The following POLR3B variants were observed in gnomAD, a reference collection of about 807,000 sequenced individuals.
The protein encoded by POLR3B is DNA-directed RNA polymerase III subunit RPC2.
POLR3B carries 96 observed loss-of-function variants against 147.4 expected under a neutral mutation model. The observed-to-expected ratio is 0.65, with a 90% confidence interval of 0.55 to 0.77. The LOEUF is 0.77. Among genes scored for constraint, POLR3B ranks in the 30% least tolerant of loss-of-function variants. The probability of loss-of-function intolerance (pLI) is 0.00; values close to 1 mark genes in which losing one functional copy is unlikely to be tolerated. For missense variants in POLR3B, 1,036 were observed against 1,413.5 expected (o/e 0.73, Z 4.28); for synonymous variants, 461 against 485.9 (o/e 0.95, Z 0.67).
At chr12:106,435,563 A>G (rs1196798096) in intron 16 of POLR3B, among the ~76,000 whole-genome samples, 1 of 152,062 alleles carries the variant, frequency 6.6e-6, no homozygotes, top group Non-Finnish European at 1.5e-5. Flanking sequence ...TTGAATCCTA[A>G]CTTCCCACTT....
At chr12:106,422,941 ATTTTC>A (rs1026690201) in intron 12 of POLR3B, among the ~76,000 whole-genome samples, 8 of 151,940 alleles carry the variant, frequency 5.3e-5, no homozygotes, top group Admixed American at 2.6e-4. Context: ...ATCCATGAAT[ATTTTC>A]TTTTCATTTA....
At chr12:106,457,551 T>C (rs149363791) in intron 21 of POLR3B, among the ~76,000 whole-genome samples, 9 of 152,208 alleles carry the variant, frequency 5.9e-5, no homozygotes, top group Admixed American at 1.3e-4. Context: ...AAAGCCACTT[T>C]AAGGAAATAT....
At chr12:106,402,517 C>A (rs1413246417) in intron 10 of POLR3B, among the ~76,000 whole-genome samples, 1 of 152,046 alleles carries the variant, frequency 6.6e-6, no homozygotes, top group Non-Finnish European at 1.5e-5. Context: ...ATTCTAAGCC[C>A]AAAGAACAAA....
intron 12 of POLR3B, among the ~76,000 whole-genome samples, chr12:106,420,994 T>C (rs2037366810): frequency 6.6e-6 from 1 of 152,194 alleles, no homozygotes; most frequent in Non-Finnish European, 1.5e-5. Flanking sequence ...AATTATTTAT[T>C]ACAGTATAAG....
At chr12:106,370,631 GTT>G (rs1208633414) in intron 6 of POLR3B, among the ~76,000 whole-genome samples, 7 of 126,556 alleles carry the variant, frequency 5.5e-5, no homozygotes, top group Admixed American at 2.4e-4. Flanking sequence ...TTGTTTTATT[GTT>G]TTTTTTTTTT....
chr12:106,376,482 T>A, intron 7 of POLR3B, 32 bp downstream of exon 7: 2 of 1,432,482 alleles, frequency 1.4e-6, no homozygotes. Context: ...TGTCCCACTT[T>A]CCTTATTCTT....
rs1020889680 is a variant in POLR3B at position 106,509,602 on chromosome 12, A to G, written c.*53A>G. 9.5e-5 allele frequency: 145 copies of G among 1,524,918 alleles called. No homozygotes were observed. In the African/African-American group the frequency reaches 1.6e-3, roughly 17 times the overall value. 94.5% of individuals were successfully genotyped at this position (1,524,918 alleles called of 1,614,324 possible). A position where few individuals can be genotyped will look rare whatever the true frequency, so the allele number is the denominator to read the frequency against. On this transcript the variant is annotated 3_prime_UTR_variant, in exon 28 of 28. Coordinates refer to ENST00000228347, the MANE Select transcript of POLR3B (RefSeq NM_018082.6). Reference sequence around the variant, plus strand: ...ACAAGTGATACATCCAATGCAACGGAAAGCAGAAGGGATTTAGGACTACGT... The same window carrying G: ...ACAAGTGATACATCCAATGCAACGGGAAGCAGAAGGGATTTAGGACTACGT...
intron 23 of POLR3B, among the ~76,000 whole-genome samples, chr12:106,464,857 G>A (rs1281139243): frequency 6.6e-6 from 1 of 152,138 alleles, no homozygotes; most frequent in African/African-American, 2.4e-5. Context: ...AGCCTTAGTT[G>A]TCATTCTGCC....
intron 9 of POLR3B, among the ~76,000 whole-genome samples, chr12:106,381,689 G>T (rs1041920465): frequency 3.3e-5 from 5 of 152,170 alleles, no homozygotes; most frequent in South Asian, 2.1e-4. Context: ...GCAAACTCTT[G>T]TTGATGTTGG....
In POLR3B at chr12:106,363,870, GA is replaced by G; in HGVS notation, c.78del (p.Lys26AsnfsTer9). 3 of 1,607,652 alleles carry G rather than the reference GA, an allele frequency of 1.9e-6. No homozygotes were observed. The highest frequency in any genetic ancestry group is 2.6e-6 in the Non-Finnish European group (3 of 1,174,650). The stretch of plus-strand genomic sequence containing the variant: ...ATATTCTTCTTGTTTTGGCTCACAG[GA>G]AAAATGGAGGCTGCTTCCAGCATTT... ...QLAAPIPTVE[E>X]KWRLLPAFLK... is the part of the protein sequence containing the mutation. On this transcript the variant is annotated frameshift_variant and splice_region_variant, in exon 2 of 28. Transcript: ENST00000228347. LOFTEE classifies it high-confidence loss of function.
intron 23 of POLR3B, among the ~76,000 whole-genome samples, chr12:106,465,704 C>T (rs538857098): frequency 4.5e-4 from 68 of 152,306 alleles, no homozygotes; most frequent in African/African-American, 1.6e-3. Context: ...TGAGTGAGAA[C>T]ATGCAGTGTT....
At chr12:106,485,031 G>A (rs749638807) in intron 23 of POLR3B, among the ~76,000 whole-genome samples, 5 of 152,180 alleles carry the variant, frequency 3.3e-5, no homozygotes, top group East Asian at 1.9e-4. Context: ...CAACAGAACC[G>A]TTGGATGGTG....
In POLR3B at chr12:106,457,026, T is replaced by C. The variant is rs1461670485; in HGVS notation, c.2294-112T>C. 9.3e-6 allele frequency: 8 copies of C among 859,510 alleles called. No individual in the cohort carries two copies. The Admixed American group carries it at 9.4e-5, about 10-fold the overall frequency. The allele number at this position is 859,510 out of a possible 1,614,324, so 53.2% of individuals were successfully genotyped here. A position where few individuals can be genotyped will look rare whatever the true frequency, so the allele number is the denominator to read the frequency against. The stretch of plus-strand genomic sequence containing the variant: ...GATTATTATCAAATACAGAGAAGTT[T>C]TGGGATTTGGGGGAGGGTGAGGTGG... On this transcript the variant is annotated intron_variant, in intron 20 of 27. Coordinates refer to ENST00000228347, the MANE Select transcript of POLR3B (RefSeq NM_018082.6).
chr12:106,393,320 G>C (rs560735348), intron 10 of POLR3B, among the ~76,000 whole-genome samples, 167 bp downstream of exon 10: 2 of 152,288 alleles, frequency 1.3e-5, no homozygotes, highest in Admixed American at 1.3e-4. Flanking sequence ...GTCAGGTTTG[G>C]AGGAAGGAGT....
intron 10 of POLR3B, among the ~76,000 whole-genome samples, chr12:106,404,471 G>A (rs1291613691): frequency 3.3e-5 from 5 of 152,150 alleles, no homozygotes; most frequent in African/African-American, 1.2e-4. Context: ...ACTCTAATGG[G>A]TGTATAGTGG....
intron 16 of POLR3B, 132 bp downstream of exon 16, chr12:106,434,004 C>A: frequency 4.1e-6 from 3 of 740,418 alleles, no homozygotes; most frequent in Non-Finnish European, 6.7e-6. Flanking sequence ...ATTCCGTGAG[C>A]AAACACTTCA....
rs371367920 is a variant in POLR3B at position 106,427,376 on chromosome 12, C to T, written c.1263+18C>T. 217 of 1,607,482 alleles carry T rather than the reference C, an allele frequency of 1.3e-4. 1 individual carries two copies. The African/African-American group carries it at 2.4e-3, about 18-fold the overall frequency. On this transcript the variant is annotated intron_variant, in intron 13 of 27. Transcript: ENST00000228347. ...TTTCTACCGTAAGTCTTCAGTCACT[C>T]TTTTAGGATTTTGTAATTTATTTGT...
intron 23 of POLR3B, among the ~76,000 whole-genome samples, chr12:106,479,591 G>C (rs986287866): frequency 6.6e-6 from 1 of 151,714 alleles, no homozygotes; most frequent in Non-Finnish European, 1.5e-5. Context: ...CACTGTGTTA[G>C]CCAGGATGGT....
chr12:106,366,473 G>A (rs1303172034), intron 2 of POLR3B, 43 bp from the exon 3 acceptor site: 1 of 1,317,320 alleles, frequency 7.6e-7, no homozygotes, highest in South Asian at 1.2e-5. Flanking sequence ...AGTACTCTTT[G>A]CACTTTTGCT....
Sources: allele counts gnomAD v4.1 joint callset (sites outside exome capture counted in the v4.1 genomes callset), GRCh38; gene constraint gnomAD v4.1.1; transcripts MANE v1.5; gene names NCBI Gene and HGNC (gene_info 2026-07-23, HGNC 2026-07-21).